USP13: variants seen among roughly 807,000 people sequenced by gnomAD.
The protein encoded by USP13 is ubiquitin carboxyl-terminal hydrolase 13.
A neutral mutation model predicts 107.8 loss-of-function variants in USP13; 68 were observed. That is an observed-to-expected ratio of 0.63 (90% CI 0.52 to 0.77). USP13 has a LOEUF of 0.77. Ranked by LOEUF, USP13 falls within the 30% of genes least tolerant of loss-of-function variation. USP13 has a pLI of 0.00. For missense variants in USP13, 945 were observed against 1,093.3 expected, an observed-to-expected ratio of 0.86 and a Z score of 1.91; for synonymous variants, 377 against 389.5, an observed-to-expected ratio of 0.97 and a Z score of 0.38.
chr3:179,744,310 T>C (rs937017345), intron 12 of USP13, among the ~76,000 whole-genome samples: 2 of 152,106 alleles, frequency 1.3e-5, no homozygotes, highest in Non-Finnish European at 2.9e-5. Flanking sequence ...TAACACTCGA[T>C]CTGGCTCTTG....
intron 1 of USP13, among the ~76,000 whole-genome samples, chr3:179,666,307 G>A (rs1345597997): frequency 6.6e-6 from 1 of 152,188 alleles, no homozygotes; most frequent in Non-Finnish European, 1.5e-5. Flanking sequence ...TATCATTTGT[G>A]TAAAGCTGCT....
intron 1 of USP13, among the ~76,000 whole-genome samples, chr3:179,680,646 G>A (rs545112786): frequency 1.6e-4 from 24 of 152,008 alleles, no homozygotes; most frequent in Non-Finnish European, 2.8e-4. Flanking sequence ...AGGTTCAAGC[G>A]ATTCTCCTGC....
At chr3:179,669,294 C>G (rs900918451) in intron 1 of USP13, among the ~76,000 whole-genome samples, 10 of 152,146 alleles carry the variant, frequency 6.6e-5, no homozygotes, top group African/African-American at 2.2e-4. Context: ...AACTCCATCT[C>G]TACTAAAAAT....
chr3:179,773,894 C>G (rs781635988), intron 19 of USP13, among the ~76,000 whole-genome samples: 12 of 152,072 alleles, frequency 7.9e-5, no homozygotes, highest in Non-Finnish European at 1.6e-4. Context: ...AGATAAAAAT[C>G]TACAAGTTAG....
rs1715977044 is a variant in USP13 at position 179,788,661 on chromosome 3, C to A, written c.*4520C>A. 1 of 151,820 alleles carries A rather than the reference C, an allele frequency of 6.6e-6. No individual in the cohort carries two copies. Among genetic ancestry groups the A allele is most frequent in the Non-Finnish European group, 1.5e-5 (1 of 67,970 alleles). The allele number at this position is 151,820 out of a possible 1,614,324, so 9.4% of individuals were successfully genotyped here. ...TAATTGAAATTAAAATTCTTTTCAC[C>A]CATTTTTATTTTTTTAAAAATGTGG... On this transcript the variant is annotated 3_prime_UTR_variant, in exon 21 of 21. Coordinates refer to ENST00000263966, the MANE Select transcript of USP13 (RefSeq NM_003940.3).
At chr3:179,733,597 C>CT (rs1713881640) in intron 10 of USP13, among the ~76,000 whole-genome samples, 1 of 152,166 alleles carries the variant, frequency 6.6e-6, no homozygotes, top group South Asian at 2.1e-4. Context: ...GTGTTTGTGA[C>CT]TTATAGATGA....
chr3:179,774,176 T>C (rs1291861593), intron 19 of USP13, among the ~76,000 whole-genome samples: 1 of 152,114 alleles, frequency 6.6e-6, no homozygotes, highest in Non-Finnish European at 1.5e-5. Context: ...GTCATGTTTT[T>C]TTAAACAACC....
chr3:179,781,765 C>A lies in USP13; in HGVS notation c.2440C>A (p.His814Asn). The change falls in exon 20 of 21, where the codon CAC (histidine) becomes AAC (asparagine). Residue 814 changes from histidine (H) to asparagine (N), a missense_variant. His to Asn is a moderately conservative substitution (Grantham distance 68). Transcript: ENST00000263966. Reference sequence around the variant, plus strand: ...ATATGAGCTATTTGCATTCATCAGTCACATGGGAACATCCACAATGAGTGG... The same window carrying A: ...ATATGAGCTATTTGCATTCATCAGTAACATGGGAACATCCACAATGAGTGG... Reference protein sequence around the residue: ...GTYELFAFISHMGTSTMSGHY... With the variant: ...GTYELFAFISNMGTSTMSGHY... 1 of 1,613,924 alleles carries A rather than the reference C, an allele frequency of 6.2e-7. No individual in the cohort carries two copies. Among genetic ancestry groups the A allele is most frequent in the South Asian group, 1.1e-5 (1 of 91,030 alleles).
At chr3:179,718,905 C>T (rs1251704951) in intron 6 of USP13, among the ~76,000 whole-genome samples, 2 of 151,980 alleles carry the variant, frequency 1.3e-5, no homozygotes, top group Non-Finnish European at 2.9e-5. Context: ...TACAGGCGCC[C>T]GCCACCACGC....
chr3:179,681,306 G>T (rs1711644767), intron 1 of USP13, among the ~76,000 whole-genome samples: 1 of 152,164 alleles, frequency 6.6e-6, no homozygotes, highest in South Asian at 2.1e-4. Context: ...CCGAGAGGCA[G>T]CTAACGCTAA....
chr3:179,694,062 C>CTG (rs1035779009), intron 3 of USP13, among the ~76,000 whole-genome samples: 1 of 151,928 alleles, frequency 6.6e-6, no homozygotes, highest in Admixed American at 6.6e-5. Flanking sequence ...ACTCGGCCTC[C>CTG]TGTAGGGCTC....
At chr3:179,718,510 C>T (rs4854951) in intron 6 of USP13, among the ~76,000 whole-genome samples, 41,380 of 151,974 alleles carry the variant, frequency 0.27, 6,549 homozygotes, top group African/African-American at 0.42. Context: ...AAGATTGGGC[C>T]AGGAGTTAGA....
At chr3:179,708,308 A>ATT (rs35675174) in intron 5 of USP13, among the ~76,000 whole-genome samples, 1 of 142,494 alleles carries the variant, frequency 7.0e-6, no homozygotes, top group Admixed American at 7.0e-5. Context: ...AGGAACAATA[A>ATT]TTTTTTTTTT....
chr3:179,723,502 G>A (rs1338981926), intron 8 of USP13, among the ~76,000 whole-genome samples: 34 of 152,174 alleles, frequency 2.2e-4, no homozygotes, highest in Admixed American at 2.2e-3. Flanking sequence ...GAGAAAGGAG[G>A]GAGGTGGTCA....
intron 14 of USP13, 51 bp from the exon 15 acceptor site, chr3:179,754,678 TATA>T: frequency 6.3e-7 from 1 of 1,576,766 alleles, no homozygotes; most frequent in East Asian, 2.3e-5. Flanking sequence ...GTGCTGGTAT[TATA>T]ATAAGGTGAT....
chr3:179,685,008 A>G (rs1292388488), intron 2 of USP13, among the ~76,000 whole-genome samples: 1 of 152,188 alleles, frequency 6.6e-6, no homozygotes, highest in Admixed American at 6.5e-5. Context: ...GGTTTTGTCC[A>G]CTGCTGTGTC....
chr3:179,666,143 A>C (rs1292843747), intron 1 of USP13, among the ~76,000 whole-genome samples: 3 of 152,158 alleles, frequency 2.0e-5, no homozygotes, highest in Non-Finnish European at 4.4e-5. Context: ...CCTCTGTGGG[A>C]TGTGAAAGAG....
chr3:179,727,955 C>T (rs1161715909), intron 8 of USP13, among the ~76,000 whole-genome samples: 1 of 62,480 alleles, frequency 1.6e-5, no homozygotes, highest in African/African-American at 4.2e-5. Flanking sequence ...TCGGACGAGG[C>T]GGCTGGCTGG....
chr3:179,770,855 C>T (rs1184250689), intron 19 of USP13, among the ~76,000 whole-genome samples: 1 of 152,166 alleles, frequency 6.6e-6, no homozygotes, highest in Non-Finnish European at 1.5e-5. Flanking sequence ...ATCTGCCTGC[C>T]TTGGCCTCCC....
Sources: allele counts gnomAD v4.1 joint callset (sites outside exome capture counted in the v4.1 genomes callset), GRCh38; gene constraint gnomAD v4.1.1; transcripts MANE v1.5; gene names NCBI Gene and HGNC (gene_info 2026-07-23, HGNC 2026-07-21).